The following GRIA1 variants were observed in gnomAD, a reference collection of about 807,000 sequenced individuals.
The protein encoded by GRIA1 is glutamate receptor 1.
In GRIA1, 31 loss-of-function variants were observed where a neutral mutation model predicts 99.2. The ratio of observed to expected loss-of-function variants is 0.31; its 90% CI spans 0.23 to 0.42. The LOEUF is 0.42. Ranked by LOEUF, GRIA1 falls within the 10% of genes least tolerant of loss-of-function variation. The pLI, the probability that GRIA1 is intolerant of heterozygous loss-of-function variation, is 1.00. For missense variants in GRIA1, 782 were observed against 1,157.5 expected, an observed-to-expected ratio of 0.68 and a Z score of 4.71; for synonymous variants, 438 against 432.4, an observed-to-expected ratio of 1.01 and a Z score of -0.16.
chr5:153,561,265 G>C (rs1262391651), intron 2 of GRIA1, among the ~76,000 whole-genome samples: 1 of 152,148 alleles, frequency 6.6e-6, no homozygotes. Context: ...CTCAGAATCT[G>C]ATTCTCTGAT....
rs144766845 is a variant in GRIA1, at chr5:153,803,235, G to T, written c.2520+745G>T. On this transcript the variant is annotated intron_variant, in intron 15 of 15. Coordinates refer to ENST00000285900, the MANE Select transcript of GRIA1 (RefSeq NM_000827.4). ...AAAGGCTAGAATATCCCAAAAAGTA[G>T]CAAGCTTCAACATCACTGAAGGTAT... Among the ~76,000 whole-genome samples the T allele has an allele frequency of 2.6e-3, 402 of 152,310 alleles. 4 individuals are homozygous for T. The highest frequency in any genetic ancestry group is 9.3e-3 in the African/African-American group (387 of 41,576).
At chr5:153,603,623 C>T (rs571241184) in intron 2 of GRIA1, among the ~76,000 whole-genome samples, 83 of 152,256 alleles carry the variant, frequency 5.5e-4, no homozygotes, top group African/African-American at 1.9e-3. Context: ...ATGTAAATAT[C>T]GACATCTCTG....
intron 13 of GRIA1, among the ~76,000 whole-genome samples, chr5:153,788,229 C>G (rs927338236): frequency 5.3e-5 from 8 of 152,172 alleles, no homozygotes. Flanking sequence ...TTCCTTCAAT[C>G]CCCCATAACC....
At chr5:153,618,950 A>G (rs1313362725) in intron 2 of GRIA1, among the ~76,000 whole-genome samples, 3 of 152,222 alleles carry the variant, frequency 2.0e-5, no homozygotes, top group Admixed American at 1.3e-4. Flanking sequence ...AAATTTATTT[A>G]GTACTACTTT....
intron 13 of GRIA1, 61 bp from the exon 14 acceptor site, chr5:153,794,560 C>G: frequency 8.8e-7 from 1 of 1,142,756 alleles, no homozygotes. Flanking sequence ...CCTTGGGTCA[C>G]GTGACTTGCT....
rs549456197 is a variant in GRIA1 at position 153,717,584 on chromosome 5, T to C, written c.1823+11517T>C. 2.0e-5 allele frequency among the ~76,000 whole-genome samples: 3 copies of C among 152,200 alleles called. No homozygotes were observed. The East Asian group carries it at 5.8e-4, about 30-fold the overall frequency. On this transcript the variant is annotated intron_variant, in intron 11 of 15. Coordinates refer to ENST00000285900, the MANE Select transcript of GRIA1 (RefSeq NM_000827.4). ...TTAATGATAAACCCAATACCATGAC[T>C]TTTGGGGCCCTGTACCCTGCTATGA...
intron 2 of GRIA1, among the ~76,000 whole-genome samples, chr5:153,498,134 T>C (rs1561586437): frequency 6.6e-6 from 1 of 152,218 alleles, no homozygotes. Flanking sequence ...TTGACTAATA[T>C]TTTTAAATAT....
At chr5:153,548,804 A>G (rs1385221570) in intron 2 of GRIA1, among the ~76,000 whole-genome samples, 7 of 152,134 alleles carry the variant, frequency 4.6e-5, no homozygotes, top group South Asian at 2.1e-4. Context: ...TGCTATTCAT[A>G]TGTTGGGTTT....
At chr5:153,691,002 C>T (rs768564162) in intron 8 of GRIA1, among the ~76,000 whole-genome samples, 2 of 152,178 alleles carry the variant, frequency 1.3e-5, no homozygotes, top group Non-Finnish European at 2.9e-5. Flanking sequence ...CTGTTTCTTC[C>T]AGATTTGGAG....
At chr5:153,674,392 T>C (rs1463573034) in intron 5 of GRIA1, 108 bp from the exon 6 acceptor site, 1 of 1,186,764 alleles carries the variant, frequency 8.4e-7, no homozygotes, top group East Asian at 2.3e-5. Context: ...CTCCATTGAG[T>C]AGGTTTCATC....
chr5:153,736,633 T>A (rs188153710), intron 11 of GRIA1, among the ~76,000 whole-genome samples: 126 of 152,344 alleles, frequency 8.3e-4, no homozygotes, highest in Non-Finnish European at 1.1e-3. Context: ...AAAAATGTTT[T>A]TATTCTTCTC....
intron 2 of GRIA1, among the ~76,000 whole-genome samples, chr5:153,558,339 A>G (rs1055945607): frequency 3.9e-5 from 6 of 152,198 alleles, no homozygotes; most frequent in Non-Finnish European, 7.3e-5. Flanking sequence ...TAATCAATAT[A>G]TAAAATATTT....
At chr5:153,810,898 T>C (rs1017036894) in intron 15 of GRIA1, 127 bp from the exon 16 acceptor site, 9 of 703,784 alleles carry the variant, frequency 1.3e-5, no homozygotes, top group Non-Finnish European at 2.0e-5. Flanking sequence ...GAATTAGCGT[T>C]GTAGAATAGG....
rs555031361 is a variant in GRIA1 at position 153,784,646 on chromosome 5, A to T, written c.2271-9975A>T. Among the ~76,000 whole-genome samples, 6 of 151,606 alleles carry T rather than the reference A, an allele frequency of 4.0e-5. No individual in the cohort carries two copies. In the East Asian group the frequency reaches 1.2e-3, roughly 29 times the overall value. ...CATTTTAATTGAGGCTCCTGATATA[A>T]CCCCACTAACTATTTTCTTTTGCTT... On this transcript the variant is annotated intron_variant, in intron 13 of 15. Coordinates refer to ENST00000285900, the MANE Select transcript of GRIA1 (RefSeq NM_000827.4).
At chr5:153,653,599 T>G (rs1452607033) in intron 4 of GRIA1, among the ~76,000 whole-genome samples, 4 of 152,200 alleles carry the variant, frequency 2.6e-5, no homozygotes, top group Non-Finnish European at 5.9e-5. Flanking sequence ...CAGGACCTGT[T>G]GAGGTTATCC....
chr5:153,690,595 T>C lies in GRIA1; in HGVS notation c.1134+4266T>C, dbSNP rs1449545089. ...ACATTTGTTTACTTGTTTGTACTTT[T>C]AAACTCCCTTCTATAGGCCACAGGG... On this transcript the variant is annotated intron_variant, in intron 8 of 15. Transcript: ENST00000285900. Among the ~76,000 whole-genome samples, 3 of 152,214 alleles carry C rather than the reference T, an allele frequency of 2.0e-5. No individual in the cohort carries two copies. The East Asian group carries it at 5.8e-4, about 29-fold the overall frequency.
chr5:153,788,741 A>G (rs1322886740), intron 13 of GRIA1, among the ~76,000 whole-genome samples: 1 of 152,160 alleles, frequency 6.6e-6, no homozygotes, highest in African/African-American at 2.4e-5. Flanking sequence ...ATTAGTACAT[A>G]CCTAGGACCT....
At chr5:153,687,023 C>T (rs56317327) in intron 8 of GRIA1, among the ~76,000 whole-genome samples, 25,745 of 152,034 alleles carry the variant, frequency 0.17, 2,467 homozygotes, top group African/African-American at 0.25. Flanking sequence ...GTTTCCTCTG[C>T]CTGGGACTTC....
intron 7 of GRIA1, among the ~76,000 whole-genome samples, chr5:153,681,890 C>T (rs762971553): frequency 4.6e-5 from 7 of 151,976 alleles, no homozygotes; most frequent in East Asian, 1.9e-4. Flanking sequence ...AAAAAGTTAG[C>T]GGGATGTGTA....
Sources: gnomAD v4.1 joint callset for allele counts (sites outside exome capture counted in the v4.1 genomes callset) on GRCh38, gnomAD v4.1.1 for gene constraint, MANE v1.5 for transcripts, NCBI Gene and HGNC (gene_info 2026-07-23, HGNC 2026-07-21) for gene names.